Variants in APAF1 observed in about 807,000 individuals in gnomAD.
APAF1 encodes apoptotic protease-activating factor 1.
APAF1 carries 91 observed loss-of-function variants against 152.4 expected under a neutral mutation model. The ratio of observed to expected loss-of-function variants is 0.60; its 90% CI spans 0.50 to 0.71. The LOEUF (loss-of-function observed/expected upper bound fraction) is 0.71, where lower values mean the gene tolerates loss of function less well. Among genes scored for constraint, APAF1 ranks in the 30% least tolerant of loss-of-function variants. The pLI is 0.00. For synonymous variants in APAF1, 484 were observed against 494.1 expected (o/e 0.98, Z 0.27); for missense variants, 1,283 against 1,472.0 (o/e 0.87, Z 2.10).
chr12:98,716,968 C>A (rs1221233416), intron 22 of APAF1, among the ~76,000 whole-genome samples: 1 of 151,972 alleles, frequency 6.6e-6, no homozygotes, highest in Non-Finnish European at 1.5e-5. Context: ...TGGGTTCAGG[C>A]AATTCTCCTG....
chr12:98,725,580 A>G, intron 25 of APAF1, 40 bp downstream of exon 25: 1 of 1,613,534 alleles, frequency 6.2e-7, no homozygotes, highest in South Asian at 1.1e-5. Flanking sequence ...CTCTTCTTGT[A>G]GCTTGGGCTA....
At chr12:98,722,561 G>A (rs1474737744) in intron 22 of APAF1, among the ~76,000 whole-genome samples, 5 of 152,140 alleles carry the variant, frequency 3.3e-5, no homozygotes, top group South Asian at 2.1e-4. Context: ...TCTCAGATAC[G>A]TTTGTATGCA....
intron 6 of APAF1, 26 bp downstream of exon 6, chr12:98,662,594 G>A: frequency 1.2e-6 from 2 of 1,604,048 alleles, no homozygotes; most frequent in Non-Finnish European, 1.7e-6. Context: ...TTACTTTTTA[G>A]TACCTTTATA....
At chr12:98,661,077 A>G (rs1324532017) in intron 5 of APAF1, among the ~76,000 whole-genome samples, 2 of 152,008 alleles carry the variant, frequency 1.3e-5, no homozygotes. Flanking sequence ...AATTTTTTGT[A>G]TTTTTAGTAG....
rs772099355 is a variant in APAF1 at position 98,666,174 on chromosome 12, T to C, written c.1195-16T>C. 6.2e-7 allele frequency: 1 copy of C among 1,612,360 alleles called. No homozygotes were observed. The highest frequency in any genetic ancestry group is 1.1e-5 in the South Asian group (1 of 91,018). On this transcript the variant is annotated splice_polypyrimidine_tract_variant and intron_variant, in intron 8 of 26. Transcript: ENST00000551964. ...TGTACTTTTGTGGCATATTAAATAC[T>C]TACAACAATTCCTAGGTGTTATGTA...
chr12:98,713,943 CTTTG>C (rs1380343462), intron 21 of APAF1, among the ~76,000 whole-genome samples: 1 of 152,084 alleles, frequency 6.6e-6, no homozygotes, highest in Non-Finnish European at 1.5e-5. Context: ...AGAGTTCAGG[CTTTG>C]TTTTCTCTTT....
intron 7 of APAF1, among the ~76,000 whole-genome samples, chr12:98,664,032 A>G (rs552369500): frequency 4.7e-4 from 62 of 131,154 alleles, no homozygotes; most frequent in African/African-American, 1.7e-3. Context: ...TATTTTATTT[A>G]TTTTTTGAGA....
Position 98,727,323 on chromosome 12 carries a change from G to A in APAF1, c.3600+7G>A, listed in dbSNP as rs758448810. The A allele has an allele frequency of 4.3e-6, 7 of 1,613,868 alleles. No homozygotes were observed. The highest frequency in any genetic ancestry group is 5.9e-6 in the Non-Finnish European group (7 of 1,179,952). ...TGCTGGAGGATATATTAAGGTAAGA[G>A]TTCCCCAAGAACTGTGAAAGAAAAT... On this transcript the variant is annotated splice_region_variant and intron_variant, in intron 26 of 26. Coordinates refer to ENST00000551964, the MANE Select transcript of APAF1 (RefSeq NM_181861.2).
rs138910177 is a variant in APAF1 at position 98,671,404 on chromosome 12, G to A, written c.1609-131G>A. 7.6e-5 allele frequency: 64 copies of A among 846,644 alleles called. 1 individual carries two copies. The highest frequency in any genetic ancestry group is 3.1e-4 in the South Asian group (22 of 70,470). 52.4% of individuals were successfully genotyped at this position (846,644 alleles called of 1,614,324 possible). On this transcript the variant is annotated intron_variant, in intron 11 of 26. Coordinates refer to ENST00000551964, the MANE Select transcript of APAF1 (RefSeq NM_181861.2). ...ATTACTATATATTTGTTACTTAATGGTTGGCTGTTCAATTTTAGTTCATAT... is the reference window on the plus strand; with the variant it reads ...ATTACTATATATTTGTTACTTAATGATTGGCTGTTCAATTTTAGTTCATAT...
At chr12:98,717,332 A>AAT (rs990765898) in intron 22 of APAF1, among the ~76,000 whole-genome samples, 2 of 151,096 alleles carry the variant, frequency 1.3e-5, no homozygotes, top group African/African-American at 2.4e-5. Context: ...AAATATATAT[A>AAT]ATATATATAT....
intron 18 of APAF1, among the ~76,000 whole-genome samples, chr12:98,703,796 A>C (rs1426442964): frequency 6.6e-6 from 1 of 152,224 alleles, no homozygotes; most frequent in Non-Finnish European, 1.5e-5. Context: ...TGGTCATGAA[A>C]CATGACATCT....
intron 16 of APAF1, among the ~76,000 whole-genome samples, chr12:98,692,609 A>G (rs542078854): frequency 2.0e-5 from 3 of 152,138 alleles, no homozygotes; most frequent in South Asian, 2.1e-4. Flanking sequence ...TGTGTACCCA[A>G]TGTTTAGCTC....
chr12:98,656,623 A>G (rs1251312496), intron 4 of APAF1, among the ~76,000 whole-genome samples: 1 of 152,184 alleles, frequency 6.6e-6, no homozygotes, highest in East Asian at 1.9e-4. Flanking sequence ...TTTCTGCCAT[A>G]CCCTGTAGAA....
intron 22 of APAF1, among the ~76,000 whole-genome samples, chr12:98,717,361 C>T (rs1215265339): frequency 6.6e-6 from 1 of 151,244 alleles, no homozygotes; most frequent in Non-Finnish European, 1.5e-5. Context: ...TATACACACA[C>T]ACACACATAT....
At chr12:98,721,342 T>TA (rs1364472793) in intron 22 of APAF1, among the ~76,000 whole-genome samples, 1 of 152,240 alleles carries the variant, frequency 6.6e-6, no homozygotes, top group Non-Finnish European at 1.5e-5. Context: ...AGTAAGATAC[T>TA]AAGTTAGAAA....
At chr12:98,689,159 G>A (rs1352373583) in intron 16 of APAF1, among the ~76,000 whole-genome samples, 1 of 152,078 alleles carries the variant, frequency 6.6e-6, no homozygotes, top group Admixed American at 6.6e-5. Context: ...ATAAACTGTA[G>A]GAAACGCAGA....
chr12:98,666,436 G>A lies in APAF1; in HGVS notation c.1362+79G>A, dbSNP rs1037660961. ...AGATTTATTGAAAATTTACAAAATAGTAGATAGTTTCTGTGCATAAGTCCT... is the reference window on the plus strand; with the variant it reads ...AGATTTATTGAAAATTTACAAAATAATAGATAGTTTCTGTGCATAAGTCCT... On this transcript the variant is annotated intron_variant, in intron 9 of 26. Transcript: ENST00000551964. 4 of 1,411,206 alleles carry A rather than the reference G, an allele frequency of 2.8e-6. No individual in the cohort carries two copies. The African/African-American group carries it at 5.8e-5, about 20-fold the overall frequency. The allele number at this position is 1,411,206 out of a possible 1,614,324, so 87.4% of individuals were successfully genotyped here. A position where few individuals can be genotyped will look rare whatever the true frequency, so the allele number is the denominator to read the frequency against.
chr12:98,690,248 CT>C (rs1312417484), intron 16 of APAF1, among the ~76,000 whole-genome samples: 2 of 152,288 alleles, frequency 1.3e-5, no homozygotes, highest in African/African-American at 4.8e-5. Context: ...TCTAGAAACT[CT>C]TTCTGGGTAG....
In APAF1 at chr12:98,693,258, AT is replaced by A. The variant is rs577019185; in HGVS notation, c.2305-6139del. Among the ~76,000 whole-genome samples, 553 of 146,944 alleles carry A rather than the reference AT, an allele frequency of 3.8e-3. 4 individuals are homozygous for A. The highest frequency in any genetic ancestry group is 0.013 in the African/African-American group (515 of 40,160). On this transcript the variant is annotated intron_variant, in intron 16 of 26. Transcript: ENST00000551964. ...TTATTGATGTACAGAAATGCTGCTG[AT>A]TTTTTTTTTTCTTAAATAGAAAAAA...
Sources: gnomAD v4.1 joint callset for allele counts (sites outside exome capture counted in the v4.1 genomes callset) on GRCh38, gnomAD v4.1.1 for gene constraint, MANE v1.5 for transcripts, NCBI Gene and HGNC (gene_info 2026-07-23, HGNC 2026-07-21) for gene names.